The following VAV3 variants were observed in gnomAD, a reference collection of about 807,000 sequenced individuals.
VAV3 encodes the protein guanine nucleotide exchange factor VAV3.
A neutral mutation model predicts 131.2 loss-of-function variants in VAV3; 94 were observed. The ratio of observed to expected loss-of-function variants is 0.72; its 90% CI spans 0.61 to 0.85. The LOEUF is 0.85. VAV3 is among the 40% of genes least tolerant of loss of function. The pLI is 0.00. For synonymous variants in VAV3, 349 were observed against 342.0 expected (o/e 1.02, Z -0.22); for missense variants, 939 against 1,002.7 (o/e 0.94, Z 0.86).
chr1:107,666,050 C>G (rs1383324672), intron 19 of VAV3, among the ~76,000 whole-genome samples: 3 of 152,170 alleles, frequency 2.0e-5, no homozygotes, highest in Non-Finnish European at 2.9e-5. Flanking sequence ...AGTAACACCA[C>G]GTGGCCTGAA....
At chr1:107,745,396 G>C (rs558405123) in intron 15 of VAV3, among the ~76,000 whole-genome samples, 6 of 151,766 alleles carry the variant, frequency 4.0e-5, no homozygotes, top group Admixed American at 1.3e-4. Flanking sequence ...AAAAAAAAGC[G>C]GGGGGGAATC....
intron 25 of VAV3, among the ~76,000 whole-genome samples, chr1:107,591,435 AAATG>A (rs964845388): frequency 8.6e-5 from 13 of 150,464 alleles, no homozygotes; most frequent in South Asian, 2.1e-4. Flanking sequence ...ATGAATGAAT[AAATG>A]AATGAATGAA....
intron 20 of VAV3, among the ~76,000 whole-genome samples, chr1:107,636,859 G>T (rs1357069123): frequency 2.6e-5 from 4 of 152,082 alleles, no homozygotes; most frequent in African/African-American, 9.7e-5. Context: ...AAAGAAATTT[G>T]CAGTACTAAC....
At chr1:107,745,622 T>C (rs1032432219) in intron 15 of VAV3, among the ~76,000 whole-genome samples, 1 of 152,218 alleles carries the variant, frequency 6.6e-6, no homozygotes, top group African/African-American at 2.4e-5. Context: ...TTACTGTTCA[T>C]TAGTGTTCAT....
intron 2 of VAV3, among the ~76,000 whole-genome samples, chr1:107,866,249 T>C (rs1280209589): frequency 6.6e-6 from 1 of 152,184 alleles, no homozygotes; most frequent in Non-Finnish European, 1.5e-5. Flanking sequence ...TCGGTCTCTT[T>C]TTCTGCCTTA....
intron 15 of VAV3, among the ~76,000 whole-genome samples, chr1:107,725,126 CCATGGAGAGGGG>C (rs1384316845): frequency 6.6e-6 from 1 of 152,088 alleles, no homozygotes; most frequent in East Asian, 1.9e-4. Flanking sequence ...AATGATAAAA[CCATGGAGAGGGG>C]CATGTCGGTT....
rs185600486 is a variant in VAV3 at position 107,906,152 on chromosome 1, G to T, written c.205-31135C>A. 3.4e-3 allele frequency among the ~76,000 whole-genome samples: 515 copies of T among 152,304 alleles called. 3 individuals are homozygous for T. The highest frequency in any genetic ancestry group is 4.1e-3 in the Non-Finnish European group (277 of 68,014). ...AGATCCACTGATGAGCCCCCAAGGAGGAGATCTTCCAGCATTCCCTGTTTA... is the reference window on the plus strand; with the variant it reads ...AGATCCACTGATGAGCCCCCAAGGATGAGATCTTCCAGCATTCCCTGTTTA... On this transcript the variant is annotated intron_variant, in intron 1 of 26. Transcript: ENST00000370056.
chr1:107,761,897 C>T (rs528187137), intron 9 of VAV3, among the ~76,000 whole-genome samples: 5 of 152,018 alleles, frequency 3.3e-5, no homozygotes, highest in Non-Finnish European at 7.4e-5. Context: ...GATTTAGAAG[C>T]CTTGGATTGT....
intron 19 of VAV3, among the ~76,000 whole-genome samples, chr1:107,664,831 T>C (rs964645015): frequency 3.3e-5 from 5 of 152,172 alleles, no homozygotes; most frequent in Non-Finnish European, 5.9e-5. Context: ...GGATGAATGA[T>C]AGATAAATAG....
chr1:107,774,074 T>C (rs964638614), intron 4 of VAV3, among the ~76,000 whole-genome samples: 2 of 152,142 alleles, frequency 1.3e-5, no homozygotes, highest in East Asian at 1.9e-4. Flanking sequence ...TTTGCTGTTG[T>C]TGTTGTTTGG....
intron 26 of VAV3, 85 bp downstream of exon 26, chr1:107,573,962 C>T (rs952889341): frequency 5.1e-6 from 8 of 1,555,368 alleles, no homozygotes; most frequent in Non-Finnish European, 7.0e-6. Context: ...AGTATAGAGG[C>T]TTCTCCCTGG....
In VAV3 at chr1:107,748,861, C is replaced by A. The variant is rs532816473; in HGVS notation, c.1502+107G>T. 4 of 854,528 alleles carry A rather than the reference C, an allele frequency of 4.7e-6. No homozygotes were observed. In the East Asian group the frequency reaches 1.1e-4, roughly 24 times the overall value. 52.9% of individuals were successfully genotyped at this position (854,528 alleles called of 1,614,324 possible). On this transcript the variant is annotated intron_variant, in intron 15 of 26. Transcript: ENST00000370056. ...CAGCAAAAACATTCCCGTCGCTGTA[C>A]ACATTATACATGCTACAAGCATTAG... is the stretch of plus-strand genomic sequence containing the variant.
rs902828864 is a variant in VAV3, at chr1:107,694,664, A to T, written c.1706-6258T>A. 7.9e-5 allele frequency among the ~76,000 whole-genome samples: 12 copies of T among 152,142 alleles called. 1 individual carries two copies. Among genetic ancestry groups the T allele is most frequent in the Admixed American group, 7.9e-4 (12 of 15,266 alleles). Reference sequence around the variant, plus strand: ...TCTACGAAGGTGGAACCAAAACTGTACAATCCCCTGCACTCTCCTGTTTCT... The same window carrying T: ...TCTACGAAGGTGGAACCAAAACTGTTCAATCCCCTGCACTCTCCTGTTTCT... On this transcript the variant is annotated intron_variant, in intron 17 of 26. Coordinates refer to ENST00000370056, the MANE Select transcript of VAV3 (RefSeq NM_006113.5).
chr1:107,794,031 T>C lies in VAV3; in HGVS notation c.322-14539A>G, dbSNP rs147247778. On this transcript the variant is annotated intron_variant, in intron 2 of 26. Coordinates refer to ENST00000370056, the MANE Select transcript of VAV3 (RefSeq NM_006113.5). ...TAGTTAATTACTGCGCAGAAGGCGC[T>C]TCACAGGGAGGATTAAATCCGGGCA... Among the ~76,000 whole-genome samples the C allele has an allele frequency of 1.3e-3, 194 of 152,384 alleles. 1 individual carries two copies. Among genetic ancestry groups the C allele is most frequent in the Middle Eastern group, 0.01 (3 of 294 alleles).
rs757165474 is a variant in VAV3 at position 107,765,079 on chromosome 1, T to C, written c.918A>G (p.Leu306=). The change falls in exon 9 of 27, where the codon TTA becomes TTG. Residue 306 remains leucine, a synonymous_variant. Coordinates refer to ENST00000370056, the MANE Select transcript of VAV3 (RefSeq NM_006113.5). Reference sequence around the variant, plus strand: ...TAAACTAAAAATAAATAGGCACCTCTAATTTCAGTTTGACATCTTCTTTTG... The same window carrying C: ...TAAACTAAAAATAAATAGGCACCTCCAATTTCAGTTTGACATCTTCTTTTG... ...SKTKEDVKLK[L]EECSKRANNG... 1.4e-5 allele frequency: 23 copies of C among 1,609,996 alleles called. No homozygotes were observed. The highest frequency in any genetic ancestry group is 4.5e-5 in the East Asian group (2 of 44,826).
chr1:107,674,748 C>A (rs919229329), intron 19 of VAV3, among the ~76,000 whole-genome samples: 7 of 152,286 alleles, frequency 4.6e-5, no homozygotes, highest in Admixed American at 2.0e-4. Context: ...CATACTTAAT[C>A]CCCTTCCCTG....
intron 1 of VAV3, among the ~76,000 whole-genome samples, chr1:107,886,450 G>A (rs1056707853): frequency 1.3e-5 from 2 of 152,216 alleles, no homozygotes; most frequent in Admixed American, 1.3e-4. Flanking sequence ...GCAGGCACCT[G>A]CCACTTATCT....
intron 2 of VAV3, among the ~76,000 whole-genome samples, chr1:107,782,542 A>G (rs907592215): frequency 6.6e-6 from 1 of 152,254 alleles, no homozygotes; most frequent in Non-Finnish European, 1.5e-5. Flanking sequence ...CAGAAAAATA[A>G]CAAATATACA....
At chr1:107,669,409 C>T in intron 19 of VAV3, 1 of 1,289,582 alleles carries the variant, frequency 7.8e-7, no homozygotes, top group African/African-American at 1.5e-5. Context: ...CTTCTTTTGG[C>T]TTTTTACAAT....
Sources: gnomAD v4.1 joint callset for allele counts (sites outside exome capture counted in the v4.1 genomes callset) on GRCh38, gnomAD v4.1.1 for gene constraint, MANE v1.5 for transcripts, NCBI Gene and HGNC (gene_info 2026-07-23, HGNC 2026-07-21) for gene names.